BBS9: variants seen among roughly 807,000 people sequenced by gnomAD.
BBS9 encodes protein PTHB1.
In BBS9, 89 loss-of-function variants were observed where a neutral mutation model predicts 117.7. The observed-to-expected ratio is 0.76, with a 90% CI of 0.64 to 0.90. BBS9 has a LOEUF of 0.90. Among genes scored for constraint, BBS9 ranks in the 40% least tolerant of loss-of-function variants. The probability of loss-of-function intolerance (pLI) is 0.00; values close to 1 mark genes in which losing one functional copy is unlikely to be tolerated. For synonymous variants in BBS9, 379 were observed against 370.9 expected, an observed-to-expected ratio of 1.02 and a Z score of -0.25; for missense variants, 982 against 1,042.2, an observed-to-expected ratio of 0.94 and a Z score of 0.80.
chr7:33,368,563 T>G, intron 17 of BBS9, among the ~76,000 whole-genome samples: 1 of 144,600 alleles, frequency 6.9e-6, no homozygotes, highest in African/African-American at 2.7e-5. Context: ...CGAATCTGTA[T>G]TGAGAGAAAA....
intron 19 of BBS9, among the ~76,000 whole-genome samples, chr7:33,434,478 T>G (rs1349666753): frequency 6.6e-6 from 1 of 152,142 alleles, no homozygotes; most frequent in Non-Finnish European, 1.5e-5. Flanking sequence ...CTATCTTTTC[T>G]TAGTGTGTAA....
chr7:33,409,699 G>A (rs952148059), intron 19 of BBS9, among the ~76,000 whole-genome samples: 2 of 152,214 alleles, frequency 1.3e-5, no homozygotes, highest in Admixed American at 6.5e-5. Flanking sequence ...AAAAATTATA[G>A]TCATTCTAGT....
At chr7:33,514,718 T>C (rs1469423595) in intron 20 of BBS9, among the ~76,000 whole-genome samples, 1 of 152,176 alleles carries the variant, frequency 6.6e-6, no homozygotes, top group Non-Finnish European at 1.5e-5. Context: ...AAAAATGGCG[T>C]TGCTTGTTTG....
intron 11 of BBS9, among the ~76,000 whole-genome samples, chr7:33,344,132 A>T (rs1478728399): frequency 2.6e-5 from 3 of 113,820 alleles, no homozygotes; most frequent in Admixed American, 1.3e-4. Context: ...CCCAGGCTGG[A>T]GTGCAGTGGC....
intron 20 of BBS9, among the ~76,000 whole-genome samples, chr7:33,519,097 GAAAGA>G (rs1417599050): frequency 6.6e-6 from 1 of 152,098 alleles, no homozygotes; most frequent in Non-Finnish European, 1.5e-5. Flanking sequence ...GAGAAAAAAA[GAAAGA>G]AAAGAAACCT....
chr7:33,404,497 G>C (rs1259834359), intron 19 of BBS9, among the ~76,000 whole-genome samples: 4 of 152,008 alleles, frequency 2.6e-5, no homozygotes, highest in Admixed American at 6.6e-5. Flanking sequence ...TCTTCCATTT[G>C]TTTGTATCCT....
At chr7:33,236,279 T>C (rs913683291) in intron 5 of BBS9, among the ~76,000 whole-genome samples, 4 of 149,998 alleles carry the variant, frequency 2.7e-5, no homozygotes, top group Admixed American at 1.3e-4. Flanking sequence ...TGAGCCGAGA[T>C]TGTACCATTT....
chr7:33,586,416 G>C (rs1860900920), intron 21 of BBS9, among the ~76,000 whole-genome samples: 1 of 151,948 alleles, frequency 6.6e-6, no homozygotes, highest in East Asian at 1.9e-4. Context: ...TGAGGCCACA[G>C]AGAAAAGGGA....
At chr7:33,238,299 T>C (rs1793875265) in intron 5 of BBS9, among the ~76,000 whole-genome samples, 1 of 152,104 alleles carries the variant, frequency 6.6e-6, no homozygotes, top group African/African-American at 2.4e-5. Context: ...CAAAGGTCTT[T>C]TTTTTTTTGA....
chr7:33,491,969 G>A (rs1027832961), intron 19 of BBS9, among the ~76,000 whole-genome samples: 1 of 152,050 alleles, frequency 6.6e-6, no homozygotes. Flanking sequence ...GGAGGCTAAG[G>A]TGGGTGGATC....
At chr7:33,471,170 C>T (rs950985684) in intron 19 of BBS9, among the ~76,000 whole-genome samples, 3 of 152,168 alleles carry the variant, frequency 2.0e-5, no homozygotes, top group Non-Finnish European at 4.4e-5. Flanking sequence ...CAAGCTGTTT[C>T]TCCTGTTTCA....
At chr7:33,163,325 C>G (rs1299718608) in intron 4 of BBS9, among the ~76,000 whole-genome samples, 1 of 152,218 alleles carries the variant, frequency 6.6e-6, no homozygotes, top group Middle Eastern at 3.4e-3. Context: ...CCTTTGGTAT[C>G]AGGATGATGC....
intron 5 of BBS9, among the ~76,000 whole-genome samples, chr7:33,216,801 G>T (rs916119916): frequency 4.6e-5 from 7 of 152,128 alleles, no homozygotes; most frequent in African/African-American, 1.7e-4. Flanking sequence ...TACCTTAAAA[G>T]AAAAAGTTAA....
At chr7:33,465,353 G>T (rs1400018202) in intron 19 of BBS9, among the ~76,000 whole-genome samples, 1 of 151,560 alleles carries the variant, frequency 6.6e-6, no homozygotes, top group African/African-American at 2.4e-5. Context: ...TCTCTTCTTG[G>T]GGTGGAGTTG....
chr7:33,551,817 C>CT (rs112173354), intron 21 of BBS9, among the ~76,000 whole-genome samples: 6 of 152,138 alleles, frequency 3.9e-5, no homozygotes, highest in Middle Eastern at 3.4e-3. Context: ...TTTCTTATGA[C>CT]TTTTTTTCAG....
intron 1 of BBS9, among the ~76,000 whole-genome samples, chr7:33,140,015 G>A (rs1036607221): frequency 5.9e-5 from 9 of 151,636 alleles, no homozygotes; most frequent in African/African-American, 2.2e-4. Flanking sequence ...TAAGCTTCTG[G>A]TAGATTCCTC....
chr7:33,172,598 C>G (rs1366106214), intron 4 of BBS9, among the ~76,000 whole-genome samples: 1 of 152,194 alleles, frequency 6.6e-6, no homozygotes, highest in African/African-American at 2.4e-5. Context: ...ATCACAGACA[C>G]ATAACACACA....
chr7:33,575,354 C>A (rs1335666525), intron 21 of BBS9, among the ~76,000 whole-genome samples: 1 of 152,098 alleles, frequency 6.6e-6, no homozygotes, highest in Admixed American at 6.6e-5. Context: ...CAAGACTAAA[C>A]CAGGAAGAAG....
At chr7:33,565,260 C>G (rs1260228939) in intron 21 of BBS9, among the ~76,000 whole-genome samples, 1 of 152,074 alleles carries the variant, frequency 6.6e-6, no homozygotes, top group Non-Finnish European at 1.5e-5. Flanking sequence ...ACTTGTCTTA[C>G]TTTTAGACTT....
Sources: gnomAD v4.1 joint callset for allele counts (sites outside exome capture counted in the v4.1 genomes callset) on GRCh38, gnomAD v4.1.1 for gene constraint, MANE v1.5 for transcripts, NCBI Gene and HGNC (gene_info 2026-07-23, HGNC 2026-07-21) for gene names.